The following ARMH3 variants were observed in gnomAD, a reference collection of about 807,000 sequenced individuals.
ARMH3 encodes armadillo-like helical domain-containing protein 3.
Under a neutral mutation model 99.1 loss-of-function variants are expected in ARMH3, and 60 were observed. That is an observed-to-expected ratio of 0.61 (90% confidence interval 0.49 to 0.75). The LOEUF is 0.75. ARMH3 is among the 30% of genes least tolerant of loss of function. ARMH3 has a pLI of 0.00. For synonymous variants in ARMH3, 285 were observed against 292.8 expected (o/e 0.97, Z 0.27); for missense variants, 679 against 843.1 (o/e 0.81, Z 2.41).
At chr10:101,871,665 C>T (rs112386703) in intron 24 of ARMH3, among the ~76,000 whole-genome samples, 1 of 152,090 alleles carries the variant, frequency 6.6e-6, no homozygotes, top group African/African-American at 2.4e-5. Context: ...AAATGAATCA[C>T]AGAACTAAAT....
chr10:102,031,731 A>G (rs1280213776), intron 4 of ARMH3, among the ~76,000 whole-genome samples: 5 of 152,108 alleles, frequency 3.3e-5, no homozygotes, highest in African/African-American at 1.2e-4. Flanking sequence ...GTATCCTATC[A>G]TGGATTCTTC....
intron 22 of ARMH3, among the ~76,000 whole-genome samples, chr10:101,944,269 TATATAGAGAGAGAGAGAGAG>T (rs1185999168): frequency 2.2e-3 from 99 of 44,848 alleles, no homozygotes; most frequent in African/African-American, 3.1e-3. Flanking sequence ...TATATATATA[TATATAGAGAGAGAGAGAGAG>T]AGAGAGAGAG....
chr10:102,042,282 T>C (rs901587139), intron 1 of ARMH3, among the ~76,000 whole-genome samples: 7 of 152,226 alleles, frequency 4.6e-5, no homozygotes, highest in African/African-American at 9.6e-5. Context: ...CTTCAACCAG[T>C]TGATTAGCAG....
intron 20 of ARMH3, among the ~76,000 whole-genome samples, chr10:101,959,433 G>A (rs764738558): frequency 2.6e-5 from 4 of 152,152 alleles, no homozygotes; most frequent in Non-Finnish European, 4.4e-5. Flanking sequence ...TGGGCAGCAC[G>A]CTTGGCACTC....
At chr10:102,018,906 A>T (rs2066812028) in intron 8 of ARMH3, among the ~76,000 whole-genome samples, 1 of 152,158 alleles carries the variant, frequency 6.6e-6, no homozygotes, top group South Asian at 2.1e-4. Context: ...GCAGTGAGCC[A>T]AGATCATGCC....
At chr10:101,985,226 G>A (rs1226985966) in intron 19 of ARMH3, among the ~76,000 whole-genome samples, 3 of 144,562 alleles carry the variant, frequency 2.1e-5, no homozygotes, top group Non-Finnish European at 4.5e-5. Flanking sequence ...ATATATATAC[G>A]TATATACATG....
chr10:101,922,533 T>C (rs1052049610), intron 23 of ARMH3, among the ~76,000 whole-genome samples: 2 of 152,344 alleles, frequency 1.3e-5, no homozygotes, highest in East Asian at 3.9e-4. Context: ...ATTACAAGTG[T>C]AATACAGCCA....
At chr10:102,017,525 T>C (rs981257318) in intron 8 of ARMH3, among the ~76,000 whole-genome samples, 1 of 152,216 alleles carries the variant, frequency 6.6e-6, no homozygotes, top group Non-Finnish European at 1.5e-5. Flanking sequence ...CTGCATCCAG[T>C]AGAATGCTCC....
intron 23 of ARMH3, among the ~76,000 whole-genome samples, chr10:101,935,174 A>ATATATATATATATATATATAT (rs1843902399): frequency 7.7e-5 from 9 of 117,104 alleles, no homozygotes; most frequent in Admixed American, 2.6e-4. Flanking sequence ...AAGGTGGAGC[A>ATATATATATATATATATATAT]ATATATATAT....
intron 24 of ARMH3, among the ~76,000 whole-genome samples, chr10:101,863,939 T>C (rs1281077454): frequency 6.6e-6 from 1 of 151,404 alleles, no homozygotes; most frequent in African/African-American, 2.4e-5. Context: ...CACTTGCCTG[T>C]AGTCCCAGCT....
chr10:101,992,418 T>C (rs1248649127), intron 17 of ARMH3, among the ~76,000 whole-genome samples: 1 of 151,922 alleles, frequency 6.6e-6, no homozygotes, highest in African/African-American at 2.4e-5. Context: ...AAAGAGGAAG[T>C]GATGGTGCCA....
intron 15 of ARMH3, among the ~76,000 whole-genome samples, chr10:101,996,703 T>TA (rs11426345): frequency 0.55 from 84,077 of 151,896 alleles, 23,492 homozygotes; most frequent in East Asian, 0.76. Flanking sequence ...AATACAAAAC[T>TA]AGGCTTATTT....
intron 13 of ARMH3, among the ~76,000 whole-genome samples, chr10:102,007,833 CAAAA>C (rs529858697): frequency 2.0e-5 from 1 of 48,974 alleles, no homozygotes; most frequent in Non-Finnish European, 4.2e-5. Flanking sequence ...ACACCATCTC[CAAAA>C]AAAAAAAAAA....
At chr10:101,954,735 T>G (rs1361991942) in intron 22 of ARMH3, among the ~76,000 whole-genome samples, 1 of 152,164 alleles carries the variant, frequency 6.6e-6, no homozygotes, top group Non-Finnish European at 1.5e-5. Context: ...TCAGCATAAG[T>G]TTATACTTTA....
intron 15 of ARMH3, among the ~76,000 whole-genome samples, chr10:101,996,454 CAA>C (rs1418852823): frequency 6.6e-6 from 1 of 152,108 alleles, no homozygotes; most frequent in Non-Finnish European, 1.5e-5. Flanking sequence ...ATAGGCAATG[CAA>C]AAAGAGTAAT....
chr10:101,993,161 C>T (rs1846882117), intron 17 of ARMH3, among the ~76,000 whole-genome samples: 1 of 151,692 alleles, frequency 6.6e-6, no homozygotes, highest in Non-Finnish European at 1.5e-5. Context: ...ATCCCAGCTA[C>T]TCAGGAGGCT....
chr10:102,012,785 A>T (rs770050071), intron 10 of ARMH3, 48 bp downstream of exon 10: 34 of 1,547,688 alleles, frequency 2.2e-5, no homozygotes, highest in Middle Eastern at 1.7e-4. Context: ...CTAACAACCA[A>T]TTCAAATGAA....
intron 1 of ARMH3, among the ~76,000 whole-genome samples, chr10:102,045,048 A>G (rs955435125): frequency 6.9e-6 from 1 of 145,332 alleles, no homozygotes; most frequent in Non-Finnish European, 1.5e-5. Context: ...AAACAGGAGG[A>G]TGTCTTGAGC....
At chr10:102,042,796 G>C (rs2067453805) in intron 1 of ARMH3, among the ~76,000 whole-genome samples, 1 of 152,228 alleles carries the variant, frequency 6.6e-6, no homozygotes, top group Non-Finnish European at 1.5e-5. Context: ...ATATCGGCCG[G>C]GTGCAGTGGC....
Sources: gnomAD v4.1 joint callset for allele counts (sites outside exome capture counted in the v4.1 genomes callset) on GRCh38, gnomAD v4.1.1 for gene constraint, MANE v1.5 for transcripts, NCBI Gene and HGNC (gene_info 2026-07-23, HGNC 2026-07-21) for gene names.